LSM12: variants seen among roughly 807,000 people sequenced by gnomAD.
LSM12 encodes the protein LSM12 homolog.
For synonymous variants in LSM12, 74 were observed against 87.3 expected, an observed-to-expected ratio of 0.85 and a Z score of 0.85; for missense variants, 108 against 238.9, an observed-to-expected ratio of 0.45 and a Z score of 3.61.
intron 2 of LSM12, among the ~76,000 whole-genome samples, chr17:44,061,184 G>A (rs1316434647): frequency 6.6e-6 from 1 of 152,000 alleles, no homozygotes; most frequent in Non-Finnish European, 1.5e-5. Context: ...GGGTGTGGCT[G>A]TGCATGCCTG....
rs558773296 is a variant in LSM12 at position 44,046,180 on chromosome 17, C to T, written c.259-5924G>A. Among the ~76,000 whole-genome samples the T allele has an allele frequency of 1.3e-3, 203 of 151,610 alleles. 1 individual carries two copies. Among genetic ancestry groups the T allele is most frequent in the African/African-American group, 4.7e-3 (194 of 41,448 alleles). On this transcript the variant is annotated intron_variant, in intron 2 of 4. Transcript: ENST00000293406. The stretch of plus-strand genomic sequence containing the variant: ...TTGATCTCCTGACCTCATGATCCGC[C>T]CGCCTCGGCCTCCCAAAGTGCTGGG...
At chr17:44,057,732 C>T (rs1271577461) in intron 2 of LSM12, among the ~76,000 whole-genome samples, 1 of 150,986 alleles carries the variant, frequency 6.6e-6, no homozygotes, top group Non-Finnish European at 1.5e-5. Flanking sequence ...GCATTATAGC[C>T]TGGGAGACAG....
intron 3 of LSM12, 135 bp from the exon 4 acceptor site, chr17:44,037,673 G>C: frequency 9.7e-7 from 1 of 1,029,258 alleles, no homozygotes; most frequent in Non-Finnish European, 1.3e-6. Flanking sequence ...GATGCCAGCA[G>C]CCCATATAGT....
At chr17:44,063,018 G>A (rs1164010506) in intron 2 of LSM12, among the ~76,000 whole-genome samples, 2 of 151,980 alleles carry the variant, frequency 1.3e-5, no homozygotes, top group Non-Finnish European at 1.5e-5. Context: ...ACAGTGAGCC[G>A]AGATCGCGTC....
chr17:44,065,317 C>G (rs1002868766), intron 1 of LSM12, among the ~76,000 whole-genome samples: 17 of 145,994 alleles, frequency 1.2e-4, no homozygotes, highest in East Asian at 8.2e-4. Context: ...GGCGCGTGCC[C>G]GTAATCCCAG....
At chr17:44,040,344 AG>A in intron 2 of LSM12, 88 bp from the exon 3 acceptor site, 1 of 951,704 alleles carries the variant, frequency 1.1e-6, no homozygotes, top group Non-Finnish European at 1.6e-6. Flanking sequence ...AAAGGAGGCC[AG>A]GAAAGACTTG....
intron 1 of LSM12, 97 bp from the exon 2 acceptor site, chr17:44,064,031 T>C (rs2049835158): frequency 7.1e-7 from 1 of 1,405,772 alleles, no homozygotes; most frequent in Middle Eastern, 1.8e-4. Flanking sequence ...ACAAGGCTTG[T>C]AAAAGGCAGG....
chr17:44,041,079 TG>T (rs1417313158), intron 2 of LSM12, among the ~76,000 whole-genome samples: 1 of 149,476 alleles, frequency 6.7e-6, no homozygotes, highest in Admixed American at 6.7e-5. Context: ...GAGACCAGCC[TG>T]GCCAACATGG....
intron 1 of LSM12, among the ~76,000 whole-genome samples, chr17:44,064,445 T>A (rs1025878725): frequency 1.2e-4 from 18 of 152,150 alleles, no homozygotes; most frequent in African/African-American, 4.3e-4. Context: ...GTTGAGTAAT[T>A]CAGCCAGGCT....
chr17:44,061,209 C>T (rs1191236220), intron 2 of LSM12, among the ~76,000 whole-genome samples: 1 of 151,076 alleles, frequency 6.6e-6, no homozygotes, highest in Non-Finnish European at 1.5e-5. Flanking sequence ...CCCAGCTACT[C>T]AGGAGGCTGA....
At position 44,040,188 on chromosome 17, in the gene LSM12, G is replaced by C. The variant is rs914372383; in HGVS notation, c.327C>G (p.Val109=). 1.9e-6 allele frequency: 3 copies of C among 1,613,958 alleles called. No homozygotes were observed. In the South Asian group the frequency reaches 3.3e-5, roughly 18 times the overall value. ...LSQAYAISAG[V]SLEGQQLFQT... ...GGAAGAGCTGCTGGCCCTCTAGAGA[G>C]ACACCAGCACTGATTGCATAGGCCT... The change falls in exon 3 of 5, where the codon GTC becomes GTG. Residue 109 remains valine (V), a synonymous_variant. Coordinates refer to ENST00000293406, the MANE Select transcript of LSM12 (RefSeq NM_001371445.1).
At position 44,034,867 on chromosome 17, in the gene LSM12, G is replaced by A. The variant is rs1358516685; in HGVS notation, c.*1341C>T. The A allele has an allele frequency of 6.6e-5, 5 of 75,240 alleles. No individual in the cohort carries two copies. The highest frequency in any genetic ancestry group is 2.2e-4 in the African/African-American group (4 of 17,882). 4.7% of individuals were successfully genotyped at this position (75,240 alleles called of 1,614,324 possible). A position where few individuals can be genotyped will look rare whatever the true frequency, so the allele number is the denominator to read the frequency against. On this transcript the variant is annotated 3_prime_UTR_variant, in exon 5 of 5. Transcript: ENST00000293406. ...ACATCCCACTCAGTGCCTGATATTC[G>A]GATGGTGGCATACTCTGCCCCAGGA...
intron 2 of LSM12, among the ~76,000 whole-genome samples, chr17:44,052,628 G>A (rs1260024101): frequency 6.6e-6 from 1 of 151,376 alleles, no homozygotes; most frequent in South Asian, 2.1e-4. Flanking sequence ...GCATGGTGGC[G>A]GGTACCTGTA....
At chr17:44,047,028 C>T (rs2049578549) in intron 2 of LSM12, among the ~76,000 whole-genome samples, 2 of 152,000 alleles carry the variant, frequency 1.3e-5, no homozygotes, top group African/African-American at 4.8e-5. Context: ...CAGCGCCCGG[C>T]CCTAATGTTT....
chr17:44,041,325 AC>A (rs1567955875), intron 2 of LSM12, among the ~76,000 whole-genome samples: 91 of 145,798 alleles, frequency 6.2e-4, no homozygotes, highest in African/African-American at 2.2e-3. Flanking sequence ...ACACACACAC[AC>A]ACACACAAAC....
At chr17:44,056,764 G>A (rs899530919) in intron 2 of LSM12, among the ~76,000 whole-genome samples, 3 of 152,044 alleles carry the variant, frequency 2.0e-5, no homozygotes, top group East Asian at 1.9e-4. Context: ...TTGGGAGGCC[G>A]AGGCAAATCA....
intron 2 of LSM12, among the ~76,000 whole-genome samples, chr17:44,041,716 T>A (rs2049497291): frequency 6.6e-6 from 1 of 152,210 alleles, no homozygotes; most frequent in Non-Finnish European, 1.5e-5. Context: ...TGTCAATCCC[T>A]ATCACCTCTC....
chr17:44,057,605 C>T (rs979923952), intron 2 of LSM12, among the ~76,000 whole-genome samples: 1 of 150,798 alleles, frequency 6.6e-6, no homozygotes, highest in Non-Finnish European at 1.5e-5. Context: ...ACCAAAAATA[C>T]AAAAATTAGC....
intron 2 of LSM12, among the ~76,000 whole-genome samples, chr17:44,050,227 G>A (rs915067517): frequency 2.0e-5 from 3 of 150,190 alleles, no homozygotes; most frequent in African/African-American, 7.4e-5. Flanking sequence ...AGCCTCCCAA[G>A]TAGCTGGGGT....
Sources: allele counts gnomAD v4.1 joint callset (sites outside exome capture counted in the v4.1 genomes callset), GRCh38; gene constraint gnomAD v4.1.1; transcripts MANE v1.5; gene names NCBI Gene and HGNC (gene_info 2026-07-23, HGNC 2026-07-21).